The following SUCO variants were observed in gnomAD, a reference collection of about 807,000 sequenced individuals.
SUCO encodes SUN domain-containing ossification factor.
SUCO carries 57 observed loss-of-function variants against 148.1 expected under a neutral mutation model. The ratio of observed to expected loss-of-function variants is 0.38; its 90% CI spans 0.31 to 0.48. SUCO has a LOEUF of 0.48. Ranked by LOEUF, SUCO falls within the 20% of genes least tolerant of loss-of-function variation. The pLI, the probability that SUCO is intolerant of heterozygous loss-of-function variation, is 0.96. For synonymous variants in SUCO, 470 were observed against 502.7 expected, an observed-to-expected ratio of 0.93 and a Z score of 0.87; for missense variants, 1,331 against 1,468.2, an observed-to-expected ratio of 0.91 and a Z score of 1.53.
chr1:172,582,654 A>G (rs1335210765), intron 15 of SUCO, among the ~76,000 whole-genome samples: 1 of 152,158 alleles, frequency 6.6e-6, no homozygotes, highest in African/African-American at 2.4e-5. Context: ...TGGTGTATAC[A>G]AACTATCATG....
intron 11 of SUCO, among the ~76,000 whole-genome samples, chr1:172,576,673 TA>T (rs1442156283): frequency 1.3e-5 from 2 of 151,724 alleles, no homozygotes; most frequent in African/African-American, 4.8e-5. Context: ...TTTGGAAGGA[TA>T]TTTTATTGGA....
chr1:172,598,760 G>T (rs575439926), intron 19 of SUCO, among the ~76,000 whole-genome samples: 1 of 152,264 alleles, frequency 6.6e-6, no homozygotes, highest in South Asian at 2.1e-4. Flanking sequence ...TTAATAGCTT[G>T]TCCTTTAAAT....
intron 1 of SUCO, among the ~76,000 whole-genome samples, chr1:172,545,288 T>G (rs1234385038): frequency 6.6e-6 from 1 of 152,152 alleles, no homozygotes; most frequent in Non-Finnish European, 1.5e-5. Context: ...ACAGAAGGGT[T>G]TTAAGGAATG....
chr1:172,532,973 C>T, upstream of SUCO: 1 of 1,378,138 alleles, frequency 7.3e-7, no homozygotes, highest in Non-Finnish European at 9.5e-7. Flanking sequence ...GGGGCGTGGC[C>T]TGCGCAGAGG....
intron 1 of SUCO, among the ~76,000 whole-genome samples, chr1:172,536,755 C>G (rs368231628): frequency 8.0e-4 from 122 of 152,236 alleles, no homozygotes; most frequent in African/African-American, 2.9e-3. Context: ...CAACTGGGCT[C>G]GTTCTTTTTG....
chr1:172,537,316 G>A (rs1364125113), intron 1 of SUCO, among the ~76,000 whole-genome samples: 4 of 151,946 alleles, frequency 2.6e-5, no homozygotes, highest in Non-Finnish European at 5.9e-5. Flanking sequence ...GGTACCTTTT[G>A]TTCTCATTAA....
intron 20 of SUCO, among the ~76,000 whole-genome samples, chr1:172,601,061 T>C (rs1657483746): frequency 6.6e-6 from 1 of 152,172 alleles, no homozygotes; most frequent in African/African-American, 2.4e-5. Flanking sequence ...AATCTTTGTA[T>C]CATTAGAAGT....
chr1:172,579,007 T>C (rs1275758118), intron 14 of SUCO, among the ~76,000 whole-genome samples, 195 bp from the exon 15 acceptor site: 1 of 152,032 alleles, frequency 6.6e-6, no homozygotes, highest in Non-Finnish European at 1.5e-5. Flanking sequence ...TTATTTTCCT[T>C]GGTTTATATT....
At chr1:172,543,340 T>TA (rs1652629859) in intron 1 of SUCO, among the ~76,000 whole-genome samples, 2 of 152,248 alleles carry the variant, frequency 1.3e-5, no homozygotes, top group Admixed American at 1.3e-4. Flanking sequence ...TTGTAGTCTC[T>TA]AATTGAAAAT....
chr1:172,609,920 G>A lies in SUCO; in HGVS notation c.3426G>A (p.Thr1142=), dbSNP rs756766487. The A allele has an allele frequency of 7.4e-5, 119 of 1,613,706 alleles. No individual in the cohort carries two copies. The highest frequency in any genetic ancestry group is 8.6e-5 in the Non-Finnish European group (102 of 1,179,834). ...NGDIKGRKPF[T]NQRDFSNMGE... is the part of the protein sequence containing the mutation. ...ACATAAAAGGAAGAAAGCCCTTTAC[G>A]AACCAGAGAGATTTTTCTAATATGG... Residue 1142 remains threonine, a synonymous_variant, in exon 24 of 24, where the codon ACG becomes ACA. Coordinates refer to ENST00000263688, the MANE Select transcript of SUCO (RefSeq NM_014283.5).
intron 6 of SUCO, among the ~76,000 whole-genome samples, chr1:172,565,941 C>A (rs1223575315): frequency 6.6e-6 from 1 of 152,134 alleles, no homozygotes; most frequent in Non-Finnish European, 1.5e-5. Context: ...GGGGACACAC[C>A]CATCCACAGA....
chr1:172,574,111 G>T (rs1655250613), intron 10 of SUCO, 113 bp downstream of exon 10: 1 of 651,560 alleles, frequency 1.5e-6, no homozygotes, highest in South Asian at 1.7e-5. Flanking sequence ...TTTTTTAAAG[G>T]TCAGTTTGTA....
intron 22 of SUCO, among the ~76,000 whole-genome samples, chr1:172,607,511 C>T (rs1657935660): frequency 6.6e-6 from 1 of 151,778 alleles, no homozygotes; most frequent in Non-Finnish European, 1.5e-5. Context: ...CTTATGATAC[C>T]ATCAGAACCA....
chr1:172,536,916 T>C (rs1046064028), intron 1 of SUCO, among the ~76,000 whole-genome samples: 3 of 152,168 alleles, frequency 2.0e-5, no homozygotes, highest in African/African-American at 7.2e-5. Flanking sequence ...TGTGATTACA[T>C]TGGGTCCAGC....
chr1:172,602,703 T>C lies in SUCO; in HGVS notation c.3181T>C (p.Ser1061Pro), dbSNP rs753783402. The C allele has an allele frequency of 1.2e-6, 2 of 1,612,436 alleles. No individual in the cohort carries two copies. Among genetic ancestry groups the C allele is most frequent in the South Asian group, 1.1e-5 (1 of 90,856 alleles). Residue 1061 changes from serine to proline, a missense_variant, in exon 22 of 24, where the codon TCT becomes CCT. Ser to Pro is a moderately conservative substitution (Grantham distance 74). Around this residue, in one of 3 missense-constraint regions of SUCO, gnomAD observed 334 missense variants for 352.3 expected, o/e 0.95. Transcript: ENST00000263688. ...TTTTTCCTAATGTGTTAGGTGTTTCTCTTCCTATGATGATATGAATTTGAA... is the reference window on the plus strand; with the variant it reads ...TTTTTCCTAATGTGTTAGGTGTTTCCCTTCCTATGATGATATGAATTTGAA... ...NQYPSPKRCF[S>P]SYDDMNLKRR...
chr1:172,608,569 T>A, intron 22 of SUCO, 178 bp from the exon 23 acceptor site: 1 of 615,202 alleles, frequency 1.6e-6, no homozygotes, highest in Admixed American at 3.4e-5. Flanking sequence ...ACCTTGCCTC[T>A]TTTTGCTTAC....
At chr1:172,540,224 T>C (rs1291448884) in intron 1 of SUCO, among the ~76,000 whole-genome samples, 1 of 152,184 alleles carries the variant, frequency 6.6e-6, no homozygotes, top group Non-Finnish European at 1.5e-5. Flanking sequence ...CTGTGTTCTC[T>C]TAACCGGTAT....
At chr1:172,602,838 C>G (rs1038847090) in intron 22 of SUCO, 51 bp downstream of exon 22, 3 of 1,453,514 alleles carry the variant, frequency 2.1e-6, no homozygotes, top group African/African-American at 1.4e-5. Flanking sequence ...AAACTAGCTT[C>G]TGGCATAAAT....
At chr1:172,560,712 TC>T (rs1369493039) in intron 6 of SUCO, among the ~76,000 whole-genome samples, 2 of 152,198 alleles carry the variant, frequency 1.3e-5, no homozygotes, top group Non-Finnish European at 2.9e-5. Flanking sequence ...TCACCTCAGT[TC>T]CAAGTTTTGA....
Sources: allele counts gnomAD v4.1 joint callset (sites outside exome capture counted in the v4.1 genomes callset), GRCh38; gene constraint gnomAD v4.1.1; regional missense constraint gnomAD v4.1.1; transcripts MANE v1.5; gene names NCBI Gene and HGNC (gene_info 2026-07-23, HGNC 2026-07-21).